The following NUDCD1 variants were observed in gnomAD, a reference collection of about 807,000 sequenced individuals.
NUDCD1 encodes NudC domain containing 1.
A neutral mutation model predicts 67.8 loss-of-function variants in NUDCD1; 60 were observed. That is an observed-to-expected ratio of 0.88 (90% CI 0.72 to 1.10). The LOEUF is 1.10. Ranked by LOEUF, NUDCD1 falls within the 50% of genes least tolerant of loss-of-function variation. NUDCD1 has a pLI of 0.00. For missense variants in NUDCD1, 643 were observed against 695.0 expected, an observed-to-expected ratio of 0.93 and a Z score of 0.84; for synonymous variants, 244 against 230.8, an observed-to-expected ratio of 1.06 and a Z score of -0.52.
intron 1 of NUDCD1, 55 bp from the exon 2 acceptor site, chr8:109,322,518 C>CT (rs1815566973): frequency 6.3e-6 from 9 of 1,431,960 alleles, no homozygotes; most frequent in Non-Finnish European, 7.7e-6. Flanking sequence ...CAGATAGTTT[C>CT]TATCTGTAGA....
At chr8:109,244,546 AT>A (rs1813450485) in intron 9 of NUDCD1, among the ~76,000 whole-genome samples, 1 of 152,192 alleles carries the variant, frequency 6.6e-6, no homozygotes. Flanking sequence ...AGCAGCCTAC[AT>A]TATTAACTAT....
chr8:109,265,270 T>A (rs1813967782), intron 8 of NUDCD1, among the ~76,000 whole-genome samples: 1 of 152,098 alleles, frequency 6.6e-6, no homozygotes, highest in Admixed American at 6.5e-5. Context: ...AATGGATAAT[T>A]CTGTTTTTTA....
chr8:109,312,184 C>T (rs561476919), intron 2 of NUDCD1, among the ~76,000 whole-genome samples: 7 of 151,440 alleles, frequency 4.6e-5, no homozygotes, highest in South Asian at 2.1e-4. Flanking sequence ...CACCTGTAAT[C>T]CCAGCTACTC....
intron 2 of NUDCD1, among the ~76,000 whole-genome samples, chr8:109,309,261 C>T (rs1458342701): frequency 6.6e-6 from 1 of 152,122 alleles, no homozygotes; most frequent in Non-Finnish European, 1.5e-5. Flanking sequence ...GATAATCCAC[C>T]ATGATCAAGT....
Position 109,293,475 on chromosome 8 carries a change from A to T in NUDCD1, c.509T>A (p.Ile170Asn). ...ATGTTCTTCAGCATTTAGCAGTGAG[A>T]TACTGTGAATTATAATAAAAGGATC... ...LGDPFIIIHS[I>N]SLLNAEEHSI... Residue 170 changes from isoleucine to asparagine, a missense_variant, in exon 4 of 10, where the codon ATC (isoleucine) becomes AAC (asparagine). By Grantham distance (149) the Ile-to-Asn change is moderately radical. Transcript: ENST00000239690. The T allele has an allele frequency of 6.3e-7, 1 of 1,576,296 alleles. No homozygotes were observed. Among genetic ancestry groups the T allele is most frequent in the South Asian group, 1.2e-5 (1 of 84,766 alleles).
At chr8:109,324,488 A>G (rs977439647) in intron 1 of NUDCD1, among the ~76,000 whole-genome samples, 1 of 152,192 alleles carries the variant, frequency 6.6e-6, no homozygotes, top group African/African-American at 2.4e-5. Context: ...CATTATGGAA[A>G]ATAGTAAAGA....
chr8:109,283,299 TGTAAA>T (rs1369667734), intron 5 of NUDCD1, among the ~76,000 whole-genome samples: 4 of 152,134 alleles, frequency 2.6e-5, no homozygotes, highest in African/African-American at 9.7e-5. Flanking sequence ...TATGAAATCA[TGTAAA>T]GTAACCAACC....
At position 109,289,148 on chromosome 8, in the gene NUDCD1, T is replaced by A. The variant is rs555006757; in HGVS notation, c.823+603A>T. ...CCACCACCACATCCGGATTTTTTTT[T>A]GTATTTTTAGTAGAGACGGGGTTTC... On this transcript the variant is annotated intron_variant, in intron 5 of 9. Coordinates refer to ENST00000239690, the MANE Select transcript of NUDCD1 (RefSeq NM_032869.4). 9.4e-4 allele frequency among the ~76,000 whole-genome samples: 143 copies of A among 152,142 alleles called. 1 individual carries two copies. The highest frequency in any genetic ancestry group is 3.3e-3 in the African/African-American group (136 of 41,488).
rs759289871 is a variant in NUDCD1 at position 109,293,362 on chromosome 8, T to C, written c.622A>G (p.Ile208Val). ...GFYVSLEWVT[I>V]SKKNQDNKKY... The stretch of plus-strand genomic sequence containing the variant: ...GTTTTACCTTGATTTTTCTTACTGA[T>C]AGTGACCCACTCCAGAGAAACATAG... The change falls in exon 4 of 10, where the codon ATC becomes GTC. Residue 208 changes from isoleucine to valine, a missense_variant. Transcript: ENST00000239690. The C allele has an allele frequency of 1.3e-6, 2 of 1,566,150 alleles. No individual in the cohort carries two copies. Among genetic ancestry groups the C allele is most frequent in the Middle Eastern group, 1.7e-4 (1 of 5,892 alleles).
intron 8 of NUDCD1, among the ~76,000 whole-genome samples, chr8:109,259,892 T>C (rs1408008383): frequency 2.0e-5 from 3 of 152,198 alleles, no homozygotes; most frequent in African/African-American, 4.8e-5. Flanking sequence ...AAGTACTTGC[T>C]AATTCATACT....
intron 2 of NUDCD1, among the ~76,000 whole-genome samples, chr8:109,312,407 A>G (rs1436376215): frequency 1.3e-5 from 2 of 152,038 alleles, no homozygotes; most frequent in African/African-American, 2.4e-5. Flanking sequence ...TAGTAATGAC[A>G]ATTCTTGGCT....
chr8:109,263,053 T>TCAAAA (rs1813903847), intron 8 of NUDCD1, among the ~76,000 whole-genome samples: 1 of 12,972 alleles, frequency 7.7e-5, no homozygotes, highest in Non-Finnish European at 1.2e-4. Flanking sequence ...AGACTCTGTC[T>TCAAAA]CAAAAAAAAA....
At chr8:109,285,991 T>C (rs1814566963) in intron 5 of NUDCD1, among the ~76,000 whole-genome samples, 1 of 152,056 alleles carries the variant, frequency 6.6e-6, no homozygotes, top group Non-Finnish European at 1.5e-5. Flanking sequence ...GTAGCATTTC[T>C]ACAAACCAAT....
chr8:109,258,503 T>C (rs968580933), intron 8 of NUDCD1, among the ~76,000 whole-genome samples: 2 of 151,976 alleles, frequency 1.3e-5, no homozygotes, highest in Non-Finnish European at 2.9e-5. Flanking sequence ...TAGGAAAAGG[T>C]TGGCGAAGAA....
chr8:109,300,433 CACTT>C (rs1814959626), intron 2 of NUDCD1, among the ~76,000 whole-genome samples: 2 of 152,102 alleles, frequency 1.3e-5, no homozygotes, highest in Non-Finnish European at 1.5e-5. Flanking sequence ...ACAATGGACA[CACTT>C]ACAGAAATCC....
intron 2 of NUDCD1, among the ~76,000 whole-genome samples, chr8:109,307,745 G>A (rs936688990): frequency 6.6e-6 from 1 of 152,060 alleles, no homozygotes; most frequent in Non-Finnish European, 1.5e-5. Context: ...AGAGACTCAC[G>A]ATTCACATAA....
In NUDCD1 at chr8:109,296,378, C is replaced by T. The variant is rs760998661; in HGVS notation, c.459+6G>A. 2 of 1,610,052 alleles carry T rather than the reference C, an allele frequency of 1.2e-6. No individual in the cohort carries two copies. The highest frequency in any genetic ancestry group is 3.3e-5 in the Admixed American group (2 of 59,774). ...GACTTCGCATAAGTCTTAAACAAAC[C>T]CTCACCTCCCATTTTTCAGAAGCGC... On this transcript the variant is annotated splice_donor_region_variant and intron_variant, in intron 3 of 9. Transcript: ENST00000239690.
At chr8:109,300,545 A>G (rs769328722) in intron 2 of NUDCD1, among the ~76,000 whole-genome samples, 21 of 152,186 alleles carry the variant, frequency 1.4e-4, no homozygotes, top group Non-Finnish European at 7.3e-5. Flanking sequence ...CATCCAACAA[A>G]GACAATGGAA....
chr8:109,271,113 T>C lies in NUDCD1; in HGVS notation c.1191A>G (p.Lys397=), dbSNP rs767636561. The C allele has an allele frequency of 1.9e-6, 3 of 1,566,658 alleles. No individual in the cohort carries two copies. Among genetic ancestry groups the C allele is most frequent in the Non-Finnish European group, 2.6e-6 (3 of 1,151,606 alleles). Residue 397 remains lysine, a synonymous_variant, in exon 8 of 10, where the codon AAA becomes AAG. Coordinates refer to ENST00000239690, the MANE Select transcript of NUDCD1 (RefSeq NM_032869.4). ...CTTGAGCATTGCAAGGTGGTTTTTC[T>C]TTATCTGGATTTGGATTCTTAGTCC... ...TSEELNPNPD[K]EKPPCNAQEL... is the part of the protein sequence containing the mutation.
Sources: allele counts gnomAD v4.1 joint callset (sites outside exome capture counted in the v4.1 genomes callset), GRCh38; gene constraint gnomAD v4.1.1; transcripts MANE v1.5; gene names NCBI Gene and HGNC (gene_info 2026-07-23, HGNC 2026-07-21).